DGKH: variants seen among roughly 807,000 people sequenced by gnomAD.
DGKH encodes DAG kinase eta.
DGKH carries 90 observed loss-of-function variants against 159.3 expected under a neutral mutation model. That is an observed-to-expected ratio of 0.57 (90% CI 0.48 to 0.67). The LOEUF (loss-of-function observed/expected upper bound fraction) is 0.67, where lower values mean the gene tolerates loss of function less well. DGKH is among the 30% of genes least tolerant of loss of function. The pLI is 0.00. For missense variants in DGKH, 1,181 were observed against 1,506.1 expected (o/e 0.78, Z 3.57); for synonymous variants, 536 against 553.8 (o/e 0.97, Z 0.45).
intron 17 of DGKH, among the ~76,000 whole-genome samples, chr13:42,196,241 C>T (rs1957201042): frequency 1.3e-5 from 2 of 152,194 alleles, no homozygotes. Context: ...AATAGTTTCA[C>T]AGTTCCCCAA....
At chr13:42,150,686 C>T (rs529848798) in intron 3 of DGKH, among the ~76,000 whole-genome samples, 122 of 152,110 alleles carry the variant, frequency 8.0e-4, no homozygotes, top group African/African-American at 2.4e-3. Flanking sequence ...ATTGAAATTA[C>T]GAATATAAGA....
intron 16 of DGKH, 146 bp from the exon 17 acceptor site, chr13:42,194,739 C>A: frequency 1.1e-6 from 1 of 940,640 alleles, no homozygotes; most frequent in Non-Finnish European, 1.5e-6. Flanking sequence ...ATGTAAGTCT[C>A]AAGAAAATGT....
At chr13:42,073,593 G>T (rs1334503511) in intron 1 of DGKH, among the ~76,000 whole-genome samples, 1 of 152,160 alleles carries the variant, frequency 6.6e-6, no homozygotes, top group Admixed American at 6.5e-5. Context: ...TGAGTGTTCT[G>T]AGCACATGTA....
chr13:42,154,927 A>T (rs1171831425), intron 3 of DGKH, among the ~76,000 whole-genome samples: 2 of 152,166 alleles, frequency 1.3e-5, no homozygotes, highest in African/African-American at 2.4e-5. Flanking sequence ...TTTGATTTTT[A>T]ATTTAAAAAT....
intron 1 of DGKH, among the ~76,000 whole-genome samples, chr13:42,107,669 G>A (rs368501509): frequency 1.8e-4 from 27 of 152,222 alleles, no homozygotes; most frequent in African/African-American, 6.3e-4. Flanking sequence ...GGACTGTGGT[G>A]TTCAGTTGAG....
At chr13:42,143,875 AG>A (rs1380203476) in intron 3 of DGKH, among the ~76,000 whole-genome samples, 1 of 152,100 alleles carries the variant, frequency 6.6e-6, no homozygotes, top group Non-Finnish European at 1.5e-5. Context: ...GATTTTTTGA[AG>A]GGTTTTTTGT....
At position 42,121,576 on chromosome 13, in the gene DGKH, C is replaced by G. The variant is rs536284410; in HGVS notation, c.193-5887C>G. ...TTATAATCCAGGCCAGTGCAAAAGG[C>G]AGGTAAAACCTATCCTCAGTTGAGA... On this transcript the variant is annotated intron_variant, in intron 1 of 29. Coordinates refer to ENST00000337343, the MANE Select transcript of DGKH (RefSeq NM_178009.5). Among the ~76,000 whole-genome samples, 127 of 152,294 alleles carry G rather than the reference C, an allele frequency of 8.3e-4. 1 individual carries two copies. The South Asian group carries it at 0.024, about 28-fold the overall frequency.
downstream of DGKH, among the ~76,000 whole-genome samples, chr13:42,244,836 G>A (rs983303177): frequency 1.4e-5 from 2 of 145,596 alleles, no homozygotes; most frequent in Non-Finnish European, 3.0e-5. Context: ...CCCGGGAGGC[G>A]GAGCTTGCAG....
intron 11 of DGKH, among the ~76,000 whole-genome samples, chr13:42,169,284 A>G (rs145118082): frequency 1.3e-5 from 2 of 152,204 alleles, no homozygotes; most frequent in African/African-American, 4.8e-5. Flanking sequence ...CATTGATCCA[A>G]TAAGAACTAG....
chr13:42,155,177 A>T, intron 3 of DGKH, 114 bp from the exon 4 acceptor site: 2 of 804,246 alleles, frequency 2.5e-6, no homozygotes, highest in South Asian at 2.1e-5. Context: ...GATTACAAAA[A>T]CGTAAGAAAT....
chr13:42,162,710 A>G (rs555077783), intron 7 of DGKH, among the ~76,000 whole-genome samples: 1 of 152,070 alleles, frequency 6.6e-6, no homozygotes, highest in South Asian at 2.1e-4. Flanking sequence ...AGGCTGAGGC[A>G]GTAGAGTTGC....
rs574679765 is a variant in DGKH at position 42,164,631 on chromosome 13, G to T, written c.856-700G>T. ...GACAAGTACACAAACTAAATTGCCT[G>T]GGTCCTACTTAATAAGTTATCCTTG... On this transcript the variant is annotated intron_variant, in intron 7 of 29. Coordinates refer to ENST00000337343, the MANE Select transcript of DGKH (RefSeq NM_178009.5). Among the ~76,000 whole-genome samples the T allele has an allele frequency of 2.5e-3, 381 of 152,288 alleles. 1 individual carries two copies. The highest frequency in any genetic ancestry group is 8.7e-3 in the African/African-American group (361 of 41,564).
At chr13:42,121,906 G>A (rs889939225) in intron 1 of DGKH, among the ~76,000 whole-genome samples, 1 of 152,166 alleles carries the variant, frequency 6.6e-6, no homozygotes, top group Non-Finnish European at 1.5e-5. Context: ...CACCTCCGCC[G>A]TGGAGTCTCT....
chr13:42,069,716 T>A, intron 1 of DGKH: 4 of 1,124,054 alleles, frequency 3.6e-6, no homozygotes, highest in Non-Finnish European at 5.2e-6. Flanking sequence ...TCATTCTCTC[T>A]CCAAACTAAG....
intron 16 of DGKH, 49 bp downstream of exon 16, chr13:42,190,574 T>G (rs1459954906): frequency 3.9e-6 from 6 of 1,540,328 alleles, no homozygotes; most frequent in Non-Finnish European, 5.2e-6. Context: ...AAATGTCATT[T>G]TGCTTTTAGT....
intron 1 of DGKH, among the ~76,000 whole-genome samples, chr13:42,124,581 G>A (rs1306446120): frequency 1.3e-5 from 2 of 152,158 alleles, no homozygotes; most frequent in Non-Finnish European, 2.9e-5. Flanking sequence ...TACAGTCAGT[G>A]GTGGTAATGG....
chr13:42,211,006 G>A (rs1957644198), intron 24 of DGKH, among the ~76,000 whole-genome samples: 1 of 152,144 alleles, frequency 6.6e-6, no homozygotes. Flanking sequence ...GGAGAGGGAA[G>A]TCTAAACATT....
intron 1 of DGKH, chr13:42,069,317 A>G: frequency 8.4e-7 from 1 of 1,195,994 alleles, no homozygotes; most frequent in Non-Finnish European, 1.2e-6. Flanking sequence ...GGCTGTCCCA[A>G]GAAGATGGGT....
intron 1 of DGKH, among the ~76,000 whole-genome samples, chr13:42,113,519 A>G (rs1015710267): frequency 2.0e-5 from 3 of 152,220 alleles, no homozygotes; most frequent in Non-Finnish European, 4.4e-5. Flanking sequence ...TACTTTTAAG[A>G]AAGTAGGAAA....
Sources: gnomAD v4.1 joint callset for allele counts (sites outside exome capture counted in the v4.1 genomes callset) on GRCh38, gnomAD v4.1.1 for gene constraint, MANE v1.5 for transcripts, NCBI Gene and HGNC (gene_info 2026-07-23, HGNC 2026-07-21) for gene names.